The following FRMD3 variants were observed in gnomAD, a reference collection of about 807,000 sequenced individuals.
The protein encoded by FRMD3 is FERM domain-containing protein 3.
A neutral mutation model predicts 70.2 loss-of-function variants in FRMD3; 33 were observed. The ratio of observed to expected loss-of-function variants is 0.47; its 90% CI spans 0.36 to 0.63. The LOEUF (loss-of-function observed/expected upper bound fraction) is 0.63. FRMD3 is among the 20% of genes least tolerant of loss of function. FRMD3 has a pLI of 0.00. For synonymous variants in FRMD3, 279 were observed against 255.9 expected, an observed-to-expected ratio of 1.09 and a Z score of -0.86; for missense variants, 632 against 711.4, an observed-to-expected ratio of 0.89 and a Z score of 1.27.
chr9:83,344,769 C>T (rs866635021), intron 4 of FRMD3, among the ~76,000 whole-genome samples: 1 of 151,460 alleles, frequency 6.6e-6, no homozygotes, highest in African/African-American at 2.4e-5. Flanking sequence ...GGGCCAATTC[C>T]TTATAATAAA....
At chr9:83,495,520 TAGAA>T in intron 1 of FRMD3, among the ~76,000 whole-genome samples, 1 of 152,120 alleles carries the variant, frequency 6.6e-6, no homozygotes, top group Non-Finnish European at 1.5e-5. Context: ...TACAAGAAAA[TAGAA>T]AGGGGGTAGC....
chr9:83,303,214 T>C (rs1001984210), intron 10 of FRMD3, among the ~76,000 whole-genome samples: 30 of 152,230 alleles, frequency 2.0e-4, no homozygotes, highest in Non-Finnish European at 2.9e-5. Flanking sequence ...GCCTTTAATA[T>C]GGGCAATGCC....
At chr9:83,571,595 C>T in the FRMD3 span, among the ~76,000 whole-genome samples, 3 of 152,190 alleles carry the variant, frequency 2.0e-5, no homozygotes, top group African/African-American at 7.2e-5. Flanking sequence ...CGGTTGGGTA[C>T]ACAAGGCTGG....
intron 1 of FRMD3, among the ~76,000 whole-genome samples, chr9:83,466,135 C>A (rs768462915): frequency 6.6e-6 from 1 of 152,182 alleles, no homozygotes; most frequent in South Asian, 2.1e-4. Flanking sequence ...TAAGAGAAGA[C>A]AAGCATTGCT....
rs553107323 is a variant in FRMD3, at chr9:83,279,916, T to C, written c.1195+10687A>G. ...AACCACCATGGCACACGTCTACCTA[T>C]GTAACAAACATGCACGTTCTGTACA... On this transcript the variant is annotated intron_variant, in intron 13 of 13. Coordinates refer to ENST00000304195, the MANE Select transcript of FRMD3 (RefSeq NM_174938.6). Among the ~76,000 whole-genome samples the C allele has an allele frequency of 6.4e-4, 97 of 152,286 alleles. 1 individual carries two copies. The highest frequency in any genetic ancestry group is 2.3e-3 in the African/African-American group (94 of 41,548).
chr9:83,521,361 T>C (rs1564115124), intron 1 of FRMD3, among the ~76,000 whole-genome samples: 1 of 152,074 alleles, frequency 6.6e-6, no homozygotes, highest in Non-Finnish European at 1.5e-5. Context: ...GTGGCACCAC[T>C]TGTAGTCCCA....
At position 83,537,116 on chromosome 9, in the gene FRMD3, A is replaced by G. The variant is rs1829913371; in HGVS notation, c.147+969T>C. On this transcript the variant is annotated intron_variant, in intron 1 of 13. Transcript: ENST00000304195. This position sits in a 1 kb window ranked among gnomAD's most constrained non-coding sequence, Gnocchi z 4.1. ...GAGTGGGGCATCTTTGGGGTCCTGG[A>G]AGAGGGGCTCCCACCTGCCTACATA... 6.6e-6 allele frequency among the ~76,000 whole-genome samples: 1 copy of G among 151,890 alleles called. No homozygotes were observed. Among genetic ancestry groups the G allele is most frequent in the African/African-American group, 2.4e-5 (1 of 41,326 alleles).
intron 1 of FRMD3, among the ~76,000 whole-genome samples, chr9:83,411,784 C>T (rs956119773): frequency 6.6e-6 from 1 of 152,186 alleles, no homozygotes; most frequent in Non-Finnish European, 1.5e-5. Context: ...AATTTTTCAC[C>T]TCATTCATTC....
At chr9:83,418,830 A>ATGT (rs1383640398) in intron 1 of FRMD3, among the ~76,000 whole-genome samples, 4 of 152,240 alleles carry the variant, frequency 2.6e-5, no homozygotes, top group African/African-American at 9.6e-5. Context: ...ATGCACATGT[A>ATGT]TGTTTATAGC....
intron 1 of FRMD3, among the ~76,000 whole-genome samples, chr9:83,523,185 TGGATGGATGGAC>T (rs1311368182): frequency 1.1e-4 from 16 of 151,002 alleles, no homozygotes; most frequent in African/African-American, 4.0e-4. Flanking sequence ...GATGGATGGA[TGGATGGATGGAC>T]GGACGGACGG....
chr9:83,282,092 T>C (rs982083666), intron 13 of FRMD3, among the ~76,000 whole-genome samples: 2 of 152,220 alleles, frequency 1.3e-5, no homozygotes, highest in African/African-American at 4.8e-5. Flanking sequence ...GGGCCAGGAA[T>C]GTGAGTATAA....
chr9:83,267,882 T>G (rs189264596), intron 13 of FRMD3, among the ~76,000 whole-genome samples: 1 of 152,222 alleles, frequency 6.6e-6, no homozygotes, highest in Non-Finnish European at 1.5e-5. Context: ...GTTGCTGTCA[T>G]GGTAATCTCA....
At chr9:83,255,458 T>C (rs1832660299) in intron 13 of FRMD3, among the ~76,000 whole-genome samples, 2 of 151,822 alleles carry the variant, frequency 1.3e-5, no homozygotes, top group African/African-American at 4.8e-5. Context: ...GCATTCCCCC[T>C]GAAAACCAGC....
At chr9:83,300,242 T>A (rs1222026655) in intron 10 of FRMD3, among the ~76,000 whole-genome samples, 2 of 152,146 alleles carry the variant, frequency 1.3e-5, no homozygotes, top group Admixed American at 1.3e-4. Context: ...GAAAGACACA[T>A]GGCTGATCTA....
At chr9:83,427,240 T>C (rs550630623) in intron 1 of FRMD3, among the ~76,000 whole-genome samples, 1 of 152,258 alleles carries the variant, frequency 6.6e-6, no homozygotes, top group Non-Finnish European at 1.5e-5. Context: ...TCAGGAAACC[T>C]GGGGTCTGTG....
chr9:83,355,012 G>A (rs1304689970), intron 3 of FRMD3, among the ~76,000 whole-genome samples: 3 of 152,166 alleles, frequency 2.0e-5, no homozygotes, highest in Non-Finnish European at 2.9e-5. Context: ...CAGCATTTGA[G>A]CACTGTGGTG....
intron 1 of FRMD3, among the ~76,000 whole-genome samples, chr9:83,500,215 G>A (rs1027576703): frequency 2.6e-5 from 4 of 152,068 alleles, no homozygotes; most frequent in African/African-American, 9.7e-5. Flanking sequence ...ACACCACCAA[G>A]AGTGAACCCT....
chr9:83,561,910 A>G, the FRMD3 span, among the ~76,000 whole-genome samples: 1 of 152,210 alleles, frequency 6.6e-6, no homozygotes, highest in Non-Finnish European at 1.5e-5. Flanking sequence ...TCTAAGCTGC[A>G]CCACAATTCA....
chr9:83,524,145 G>A (rs1015472492), intron 1 of FRMD3, among the ~76,000 whole-genome samples: 1 of 152,164 alleles, frequency 6.6e-6, no homozygotes, highest in Non-Finnish European at 1.5e-5. Flanking sequence ...GCTCTGCATT[G>A]CTAGATTTTG....
Sources: allele counts gnomAD v4.1 joint callset (sites outside exome capture counted in the v4.1 genomes callset), GRCh38; gene constraint gnomAD v4.1.1; non-coding constraint Gnocchi (gnomAD v3.1); transcripts MANE v1.5; gene names NCBI Gene and HGNC (gene_info 2026-07-23, HGNC 2026-07-21).